The following THSD7B variants were observed in gnomAD, a reference collection of about 807,000 sequenced individuals.
THSD7B encodes thrombospondin type 1 domain containing 7B.
In THSD7B, 138 loss-of-function variants were observed where a neutral mutation model predicts 213.6. That is an observed-to-expected ratio of 0.65 (90% CI 0.56 to 0.74). THSD7B has a LOEUF of 0.74. Among genes scored for constraint, THSD7B ranks in the 30% least tolerant of loss-of-function variants. The pLI is 0.00. For missense variants in THSD7B, 1,931 were observed against 1,991.5 expected, an observed-to-expected ratio of 0.97 and a Z score of 0.58; for synonymous variants, 742 against 687.0, an observed-to-expected ratio of 1.08 and a Z score of -1.25.
intron 5 of THSD7B, among the ~76,000 whole-genome samples, chr2:137,147,051 TG>T (rs1366003742): frequency 6.6e-6 from 1 of 152,180 alleles, no homozygotes; most frequent in Non-Finnish European, 1.5e-5. Context: ...TATAAATCCT[TG>T]TTGTACTCTC....
In THSD7B at chr2:137,309,881, C is replaced by T. The variant is rs556839345; in HGVS notation, c.2500+33855C>T. Among the ~76,000 whole-genome samples, 167 of 152,106 alleles carry T rather than the reference C, an allele frequency of 1.1e-3. 1 individual carries two copies. Among genetic ancestry groups the T allele is most frequent in the Non-Finnish European group, 2.0e-3 (134 of 68,022 alleles). On this transcript the variant is annotated intron_variant, in intron 12 of 27. Transcript: ENST00000409968. Reference sequence around the variant, plus strand: ...ATAGTATTCCATGGTGTATATGTGCCGCATTTTCTTAATCTGGTCTATCAT... The same window carrying T: ...ATAGTATTCCATGGTGTATATGTGCTGCATTTTCTTAATCTGGTCTATCAT...
intron 12 of THSD7B, among the ~76,000 whole-genome samples, chr2:137,291,844 T>C (rs1403287712): frequency 6.6e-6 from 1 of 152,152 alleles, no homozygotes; most frequent in Admixed American, 6.5e-5. Context: ...TGCCACTCTA[T>C]GAATTTACAT....
chr2:137,126,014 T>A lies in THSD7B; in HGVS notation c.1369+10721T>A, dbSNP rs911764180. On this transcript the variant is annotated intron_variant, in intron 5 of 27. Coordinates refer to ENST00000409968, the MANE Select transcript of THSD7B (RefSeq NM_001316349.2). ...TGGGCTTAAAATATTTAGGAAATCA[T>A]GCTGTAAATAGATATGTTGGGGTTT... is the stretch of plus-strand genomic sequence containing the variant. 3.9e-5 allele frequency among the ~76,000 whole-genome samples: 6 copies of A among 152,178 alleles called. No individual in the cohort carries two copies. The East Asian group carries it at 9.6e-4, about 24-fold the overall frequency.
At chr2:137,661,522 C>T (rs112244948) in intron 25 of THSD7B, among the ~76,000 whole-genome samples, 14 of 151,930 alleles carry the variant, frequency 9.2e-5, no homozygotes, top group African/African-American at 3.1e-4. Flanking sequence ...TCAGCAGCAG[C>T]GAATCCATAC....
chr2:137,018,249 A>G (rs2104840780), intron 2 of THSD7B, among the ~76,000 whole-genome samples: 2 of 152,214 alleles, frequency 1.3e-5, no homozygotes, highest in South Asian at 4.1e-4. Flanking sequence ...AAATATTCTC[A>G]TTTAAAAAAT....
rs773677139 is a variant in THSD7B, at chr2:136,954,740, T to TAAAAAG, written c.139+72424_139+72425insAAAAGA. Among the ~76,000 whole-genome samples, 408 of 137,442 alleles carry TAAAAAG rather than the reference T, an allele frequency of 3.0e-3. 36 individuals carry two copies. The highest frequency in any genetic ancestry group is 0.011 in the African/African-American group (351 of 32,284). The allele number at this position is 137,442 out of a possible 152,430, so 90.2% of individuals were successfully genotyped here. ...AAAAAAAAAAAAAAAAAAAAGAAATTACATAAGAGCTTTTATACTGTTTAT... is the reference window on the plus strand; with the variant it reads ...AAAAAAAAAAAAAAAAAAAAGAAATTAAAAAGACATAAGAGCTTTTATACTGTTTAT... On this transcript the variant is annotated intron_variant, in intron 2 of 27. Transcript: ENST00000409968.
At chr2:137,342,929 T>A (rs932990893) in intron 12 of THSD7B, among the ~76,000 whole-genome samples, 8 of 151,706 alleles carry the variant, frequency 5.3e-5, no homozygotes, top group Non-Finnish European at 1.0e-4. Flanking sequence ...TGAATTCAGT[T>A]TGCAAGTTTT....
At chr2:137,029,078 CTT>C (rs11443045) in intron 2 of THSD7B, among the ~76,000 whole-genome samples, 8 of 120,972 alleles carry the variant, frequency 6.6e-5, no homozygotes, top group Admixed American at 3.8e-4. Context: ...TCTTTGTAAG[CTT>C]TTTTTTTTTT....
chr2:137,667,872 A>G lies in THSD7B; in HGVS notation c.4739+11A>G. On this transcript the variant is annotated intron_variant, in intron 27 of 27. Transcript: ENST00000409968. ...TTCCTACCTTGTTTGGTAAGTACTA[A>G]TTAGTAAAAAGTTTATGTTCCGTAT... 1.3e-6 allele frequency: 2 copies of G among 1,561,374 alleles called. No homozygotes were observed. The highest frequency in any genetic ancestry group is 8.7e-7 in the Non-Finnish European group (1 of 1,149,900).
intron 9 of THSD7B, 140 bp from the exon 10 acceptor site, chr2:137,242,317 T>G: frequency 1.7e-6 from 1 of 602,064 alleles, no homozygotes; most frequent in South Asian, 2.2e-5. Context: ...GCAAGTAGCT[T>G]CACCTCCAGG....
intron 3 of THSD7B, among the ~76,000 whole-genome samples, chr2:137,077,318 TATA>T (rs780465908): frequency 9.2e-5 from 14 of 152,334 alleles, no homozygotes; most frequent in Non-Finnish European, 1.6e-4. Flanking sequence ...CAGCATGTTT[TATA>T]ATCCTTTGGA....
intron 5 of THSD7B, among the ~76,000 whole-genome samples, chr2:137,127,452 G>A (rs760973574): frequency 5.9e-5 from 9 of 152,150 alleles, no homozygotes; most frequent in Non-Finnish European, 8.8e-5. Flanking sequence ...ATGTACATAA[G>A]TATAGATAAT....
At chr2:136,891,679 G>A (rs1683862872) in intron 2 of THSD7B, among the ~76,000 whole-genome samples, 1 of 152,174 alleles carries the variant, frequency 6.6e-6, no homozygotes. Context: ...GCCCATCCAA[G>A]CTGGGTCACA....
intron 10 of THSD7B, 43 bp downstream of exon 10, chr2:137,242,615 A>G (rs1276044139): frequency 6.9e-7 from 1 of 1,451,318 alleles, no homozygotes; most frequent in Non-Finnish European, 9.6e-7. Context: ...CCCTAACCTG[A>G]TTGTTTCTCC....
chr2:136,928,891 A>G (rs1423164200), intron 2 of THSD7B, among the ~76,000 whole-genome samples: 2 of 152,040 alleles, frequency 1.3e-5, no homozygotes, highest in Admixed American at 1.3e-4. Flanking sequence ...TTTTCCCTTT[A>G]TTTTAATCAT....
chr2:137,155,300 T>G (rs1411584022), intron 5 of THSD7B, among the ~76,000 whole-genome samples: 2 of 152,238 alleles, frequency 1.3e-5, no homozygotes, highest in African/African-American at 4.8e-5. Context: ...TTGGTCAGCC[T>G]AGGAATGGCA....
At chr2:137,185,108 C>T (rs1006820832) in intron 7 of THSD7B, among the ~76,000 whole-genome samples, 11 of 151,880 alleles carry the variant, frequency 7.2e-5, no homozygotes, top group East Asian at 1.9e-4. Flanking sequence ...AAAAGGAGCC[C>T]GAGAATTGGC....
intron 2 of THSD7B, among the ~76,000 whole-genome samples, chr2:137,020,486 CAAG>C (rs1315416230): frequency 5.3e-5 from 8 of 152,160 alleles, no homozygotes; most frequent in Admixed American, 4.6e-4. Context: ...ATACCTCGTG[CAAG>C]CCCCACCAGT....
At chr2:137,114,598 T>C (rs1688412076) in intron 4 of THSD7B, among the ~76,000 whole-genome samples, 1 of 152,224 alleles carries the variant, frequency 6.6e-6, no homozygotes, top group South Asian at 2.1e-4. Flanking sequence ...TACTTTTATG[T>C]GAATGACATG....
Sources: gnomAD v4.1 joint callset for allele counts (sites outside exome capture counted in the v4.1 genomes callset) on GRCh38, gnomAD v4.1.1 for gene constraint, MANE v1.5 for transcripts, NCBI Gene and HGNC (gene_info 2026-07-23, HGNC 2026-07-21) for gene names.